TM9SF2: variants seen among roughly 807,000 people sequenced by gnomAD.
The protein encoded by TM9SF2 is 76 kDa membrane protein.
In TM9SF2, 13 loss-of-function variants were observed where a neutral mutation model predicts 84.9. The ratio of observed to expected loss-of-function variants is 0.15; its 90% CI spans 0.10 to 0.24. TM9SF2 has a LOEUF of 0.24. TM9SF2 is among the 10% of genes least tolerant of loss of function. The pLI is 1.00. For missense variants in TM9SF2, 562 were observed against 818.5 expected (o/e 0.69, Z 3.82); for synonymous variants, 273 against 285.8 (o/e 0.96, Z 0.45).
chr13:99,519,684 TA>T (rs11316913), intron 2 of TM9SF2: 149,304 of 170,228 alleles, frequency 0.88, 65,699 homozygotes, highest in Admixed American at 0.93. Context: ...TTGAATTAGA[TA>T]ATAGCAAGGA....
chr13:99,555,770 T>C, intron 15 of TM9SF2, 123 bp downstream of exon 15: 1 of 557,096 alleles, frequency 1.8e-6, no homozygotes, highest in Non-Finnish European at 3.0e-6. Context: ...GACATTGACC[T>C]GTATTCCTAA....
intron 1 of TM9SF2, among the ~76,000 whole-genome samples, chr13:99,506,498 T>A (rs530118627): frequency 3.3e-5 from 5 of 152,214 alleles, no homozygotes; most frequent in African/African-American, 1.2e-4. Flanking sequence ...CAATTGTTTC[T>A]TCTTCTTCTG....
intron 12 of TM9SF2, 73 bp downstream of exon 12, chr13:99,549,295 CT>C: frequency 2.5e-6 from 3 of 1,185,604 alleles, no homozygotes; most frequent in Non-Finnish European, 3.8e-6. Flanking sequence ...GTCGTTGAGT[CT>C]TTAATCCTCC....
intron 1 of TM9SF2, among the ~76,000 whole-genome samples, chr13:99,504,789 C>T (rs1367974370): frequency 2.0e-5 from 3 of 152,058 alleles, no homozygotes; most frequent in African/African-American, 4.8e-5. Context: ...TTTACATGTG[C>T]GTGCATTTGG....
chr13:99,521,625 A>G (rs953424135), intron 3 of TM9SF2, among the ~76,000 whole-genome samples: 1 of 152,228 alleles, frequency 6.6e-6, no homozygotes, highest in African/African-American at 2.4e-5. Flanking sequence ...CTGGGGGAAA[A>G]GAAACATCAC....
intron 1 of TM9SF2, among the ~76,000 whole-genome samples, chr13:99,505,078 A>T (rs1255099888): frequency 6.6e-6 from 1 of 152,132 alleles, no homozygotes; most frequent in Non-Finnish European, 1.5e-5. Context: ...TCCTTTAACT[A>T]AATAATACCT....
chr13:99,557,416 T>G (rs2046329010), intron 15 of TM9SF2, among the ~76,000 whole-genome samples: 1 of 152,254 alleles, frequency 6.6e-6, no homozygotes, highest in African/African-American at 2.4e-5. Context: ...TTATTTATTC[T>G]GAATAGTAGA....
At chr13:99,554,890 G>T (rs2046319723) in intron 14 of TM9SF2, among the ~76,000 whole-genome samples, 1 of 152,168 alleles carries the variant, frequency 6.6e-6, no homozygotes, top group African/African-American at 2.4e-5. Context: ...GAGGGGATTG[G>T]TGAAGGGATT....
chr13:99,552,009 G>A (rs1410589408), intron 12 of TM9SF2, among the ~76,000 whole-genome samples, 158 bp from the exon 13 acceptor site: 1 of 152,238 alleles, frequency 6.6e-6, no homozygotes, highest in Non-Finnish European at 1.5e-5. Flanking sequence ...CAATTGGGTA[G>A]TTTCTAGTCA....
chr13:99,510,220 G>A (rs773649829), intron 1 of TM9SF2, among the ~76,000 whole-genome samples: 3 of 152,032 alleles, frequency 2.0e-5, no homozygotes, highest in Admixed American at 6.6e-5. Context: ...TCAATGTTTT[G>A]GTCACAACCA....
At chr13:99,508,670 G>A (rs1291260766) in intron 1 of TM9SF2, among the ~76,000 whole-genome samples, 1 of 152,136 alleles carries the variant, frequency 6.6e-6, no homozygotes, top group Non-Finnish European at 1.5e-5. Context: ...TTTACTCATG[G>A]CAGAAGGTGA....
chr13:99,525,688 TG>T (rs1348753061), intron 3 of TM9SF2, among the ~76,000 whole-genome samples: 1 of 151,734 alleles, frequency 6.6e-6, no homozygotes, highest in Non-Finnish European at 1.5e-5. Flanking sequence ...CCCAAGTAGC[TG>T]GGACTATAGG....
At chr13:99,506,015 G>C (rs933871611) in intron 1 of TM9SF2, among the ~76,000 whole-genome samples, 3 of 152,064 alleles carry the variant, frequency 2.0e-5, no homozygotes, top group African/African-American at 7.2e-5. Flanking sequence ...ATACCCCCTA[G>C]TGGTTAAAAA....
At chr13:99,531,843 G>A (rs1428558711) in intron 4 of TM9SF2, among the ~76,000 whole-genome samples, 3 of 152,112 alleles carry the variant, frequency 2.0e-5, no homozygotes, top group East Asian at 3.9e-4. Flanking sequence ...CTAGATCAAT[G>A]CATATCAATT....
chr13:99,517,756 T>C (rs1594047429), intron 2 of TM9SF2, 75 bp downstream of exon 2: 2 of 1,011,046 alleles, frequency 2.0e-6, no homozygotes, highest in East Asian at 5.2e-5. Context: ...GAACTTTGTT[T>C]TCTCACAGTT....
Position 99,543,929 on chromosome 13 carries a change from G to A in TM9SF2, c.1084G>A (p.Gly362Arg), listed in dbSNP as rs1247517424. The A allele has an allele frequency of 1.9e-5, 30 of 1,614,006 alleles. No individual in the cohort carries two copies. The highest frequency in any genetic ancestry group is 2.4e-5 in the Non-Finnish European group (28 of 1,180,032). ...HGDIFRPPRK[G>R]MLLSVFLGSG... The stretch of plus-strand genomic sequence containing the variant: ...TGATATATTCCGTCCTCCAAGAAAA[G>A]GGATGCTGCTATCAGTCTTTCTAGG... Residue 362 changes from glycine (G) to arginine (R), a missense_variant, in exon 10 of 17, where the codon GGG becomes AGG. Coordinates refer to ENST00000376387, the MANE Select transcript of TM9SF2 (RefSeq NM_004800.3).
At chr13:99,556,010 TTA>T (rs2046323400) in intron 15 of TM9SF2, among the ~76,000 whole-genome samples, 1 of 152,112 alleles carries the variant, frequency 6.6e-6, no homozygotes, top group Non-Finnish European at 1.5e-5. Flanking sequence ...AAAAAAAATT[TTA>T]GACTGAAAAT....
intron 6 of TM9SF2, among the ~76,000 whole-genome samples, chr13:99,538,448 T>TA (rs1234947831): frequency 6.6e-6 from 1 of 152,128 alleles, no homozygotes; most frequent in Non-Finnish European, 1.5e-5. Context: ...GGTCAAGAAA[T>TA]ACATGCCATA....
chr13:99,552,466 T>C, intron 13 of TM9SF2, 140 bp downstream of exon 13: 1 of 907,418 alleles, frequency 1.1e-6, no homozygotes, highest in Admixed American at 3.0e-5. Flanking sequence ...ATTTTTAAAA[T>C]AGTAGTATTA....
Sources: allele counts gnomAD v4.1 joint callset (sites outside exome capture counted in the v4.1 genomes callset), GRCh38; gene constraint gnomAD v4.1.1; transcripts MANE v1.5; gene names NCBI Gene and HGNC (gene_info 2026-07-23, HGNC 2026-07-21).